The following TTLL6 variants were observed in gnomAD, a reference collection of about 807,000 sequenced individuals.
The protein encoded by TTLL6 is tubulin polyglutamylase TTLL6.
Under a neutral mutation model 96.4 loss-of-function variants are expected in TTLL6, and 75 were observed. That is an observed-to-expected ratio of 0.78 (90% CI 0.65 to 0.94). The LOEUF is 0.94. TTLL6 is among the 40% of genes least tolerant of loss of function. TTLL6 has a pLI of 0.00. For synonymous variants in TTLL6, 411 were observed against 419.4 expected (o/e 0.98, Z 0.24); for missense variants, 1,030 against 1,093.0 (o/e 0.94, Z 0.81).
Position 48,785,218 on chromosome 17 carries a change from C to G in TTLL6, c.1762-17G>C, listed in dbSNP as rs1386557331. On this transcript the variant is annotated splice_polypyrimidine_tract_variant and intron_variant, in intron 12 of 15. Coordinates refer to ENST00000393382, the MANE Select transcript of TTLL6 (RefSeq NM_001130918.3). ...CTGGATGTACTGAGGGAGGAAGAAA[C>G]CACAACACACAGCCATGGGAACCCA... 6.2e-7 allele frequency: 1 copy of G among 1,613,948 alleles called. No homozygotes were observed. The highest frequency in any genetic ancestry group is 8.5e-7 in the Non-Finnish European group (1 of 1,180,012).
chr17:48,789,116 TAA>T (rs5820726), intron 10 of TTLL6, among the ~76,000 whole-genome samples: 414 of 145,308 alleles, frequency 2.8e-3, no homozygotes, highest in Middle Eastern at 7.4e-3. Context: ...TTCTTTATAG[TAA>T]AAAAAAAAAA....
intron 13 of TTLL6, among the ~76,000 whole-genome samples, chr17:48,782,258 A>C (rs1204880729): frequency 6.6e-6 from 1 of 151,884 alleles, no homozygotes; most frequent in African/African-American, 2.4e-5. Flanking sequence ...AGCGCGCACC[A>C]CCACGCCTGG....
chr17:48,782,250 C>T (rs534683741), intron 13 of TTLL6, among the ~76,000 whole-genome samples: 1 of 151,894 alleles, frequency 6.6e-6, no homozygotes, highest in South Asian at 2.1e-4. Flanking sequence ...GGATTACAAG[C>T]GCGCACCACC....
intron 10 of TTLL6, among the ~76,000 whole-genome samples, chr17:48,788,236 C>A (rs941498999): frequency 1.3e-5 from 2 of 152,250 alleles, no homozygotes; most frequent in Admixed American, 1.3e-4. Flanking sequence ...TCTAACAACT[C>A]ACCAAATTCT....
chr17:48,805,662 C>T (rs973631975), intron 1 of TTLL6, among the ~76,000 whole-genome samples: 19 of 152,152 alleles, frequency 1.2e-4, no homozygotes, highest in African/African-American at 3.9e-4. Context: ...CATGAGATTT[C>T]GTTCATGTTT....
At chr17:48,803,006 A>G (rs2039450227) in intron 3 of TTLL6, among the ~76,000 whole-genome samples, 1 of 151,988 alleles carries the variant, frequency 6.6e-6, no homozygotes, top group African/African-American at 2.4e-5. Flanking sequence ...ACCCATCTCT[A>G]CTAAAACTAC....
intron 8 of TTLL6, among the ~76,000 whole-genome samples, chr17:48,794,492 A>G (rs576090950): frequency 3.3e-5 from 5 of 152,258 alleles, no homozygotes; most frequent in African/African-American, 1.2e-4. Flanking sequence ...GTCCAAGCCT[A>G]GTTGGCAAGT....
intron 1 of TTLL6, among the ~76,000 whole-genome samples, chr17:48,810,841 A>ACACATATATAGTATGTGTGTG (rs1331631307): frequency 1.5e-5 from 2 of 134,414 alleles, no homozygotes; most frequent in East Asian, 2.9e-4. Context: ...ATATATATAT[A>ACACATATATAGTATGTGTGTG]TATATATATA....
At chr17:48,793,659 T>G (rs2143391230) in intron 8 of TTLL6, among the ~76,000 whole-genome samples, 1 of 151,690 alleles carries the variant, frequency 6.6e-6, no homozygotes, top group East Asian at 1.9e-4. Flanking sequence ...CAGCATGGCT[T>G]AGTGGGTAAG....
chr17:48,797,091 G>T lies in TTLL6; in HGVS notation c.882C>A (p.Thr294=), dbSNP rs1443432791. The change falls in exon 7 of 16, where the codon ACC becomes ACA. Residue 294 remains threonine (T), a synonymous_variant. Coordinates refer to ENST00000393382, the MANE Select transcript of TTLL6 (RefSeq NM_001130918.3). ...TGTCTGTGCAAGGGCGGGAGTAAGA[G>T]GTCGTCGCAAAGCGGGCCAGTCCTT... ...YNEGLARFAT[T]SYSRPCTDNL... is the part of the protein sequence containing the mutation. The T allele has an allele frequency of 6.4e-7, 1 of 1,551,574 alleles. No homozygotes were observed. The highest frequency in any genetic ancestry group is 2.0e-5 in the Admixed American group (1 of 50,982).
At chr17:48,786,914 AC>A (rs1488427665) in intron 11 of TTLL6, among the ~76,000 whole-genome samples, 1 of 148,698 alleles carries the variant, frequency 6.7e-6, no homozygotes, top group African/African-American at 2.5e-5. Context: ...GCTCACTGCA[AC>A]CTCTGCCCCT....
intron 1 of TTLL6, among the ~76,000 whole-genome samples, chr17:48,808,139 T>C (rs1046883269): frequency 6.6e-6 from 1 of 152,108 alleles, no homozygotes; most frequent in Non-Finnish European, 1.5e-5. Context: ...CGCCCGGCCA[T>C]TTCTAGTTTT....
At chr17:48,768,653 G>A (rs1028171862) in intron 15 of TTLL6, among the ~76,000 whole-genome samples, 5 of 150,656 alleles carry the variant, frequency 3.3e-5, no homozygotes, top group East Asian at 3.9e-4. Context: ...TAATCTTCTC[G>A]CCTCAGCCTC....
chr17:48,789,603 G>A (rs925489145), intron 10 of TTLL6, among the ~76,000 whole-genome samples: 3 of 152,144 alleles, frequency 2.0e-5, no homozygotes, highest in Non-Finnish European at 4.4e-5. Flanking sequence ...CACCCAGGCT[G>A]AAGTGCAATG....
chr17:48,775,795 C>T (rs1287273344), intron 13 of TTLL6, among the ~76,000 whole-genome samples: 1 of 152,098 alleles, frequency 6.6e-6, no homozygotes, highest in East Asian at 1.9e-4. Flanking sequence ...CCCACCTTGG[C>T]CTCCCAACGT....
intron 1 of TTLL6, among the ~76,000 whole-genome samples, chr17:48,810,707 C>CA (rs1287113772): frequency 7.0e-6 from 1 of 142,048 alleles, no homozygotes; most frequent in African/African-American, 2.5e-5. Flanking sequence ...AACAATCAAA[C>CA]AAAAAAACCT....
At chr17:48,775,732 G>A (rs1215403842) in intron 13 of TTLL6, among the ~76,000 whole-genome samples, 1 of 151,944 alleles carries the variant, frequency 6.6e-6, no homozygotes, top group Non-Finnish European at 1.5e-5. Flanking sequence ...GTAGAGATGG[G>A]GTTTCTCCAT....
intron 13 of TTLL6, among the ~76,000 whole-genome samples, chr17:48,773,075 T>C (rs2038782519): frequency 6.6e-6 from 1 of 152,188 alleles, no homozygotes; most frequent in Non-Finnish European, 1.5e-5. Context: ...AATAAAAAAT[T>C]CACTGAATGG....
At chr17:48,791,844 C>T (rs1200697389) in intron 8 of TTLL6, among the ~76,000 whole-genome samples, 1 of 152,178 alleles carries the variant, frequency 6.6e-6, no homozygotes, top group African/African-American at 2.4e-5. Flanking sequence ...TCACATAGGA[C>T]ATGGTCAGGA....
Sources: allele counts gnomAD v4.1 joint callset (sites outside exome capture counted in the v4.1 genomes callset), GRCh38; gene constraint gnomAD v4.1.1; transcripts MANE v1.5; gene names NCBI Gene and HGNC (gene_info 2026-07-23, HGNC 2026-07-21).